The following KAZN variants were observed in gnomAD, a reference collection of about 807,000 sequenced individuals.
KAZN encodes kazrin.
Under a neutral mutation model 87.4 loss-of-function variants are expected in KAZN, and 40 were observed. The observed-to-expected ratio is 0.46, with a 90% confidence interval of 0.36 to 0.60. KAZN has a LOEUF of 0.60. KAZN is among the 20% of genes least tolerant of loss of function. The pLI, the probability that KAZN is intolerant of heterozygous loss-of-function variation, is 0.00. For synonymous variants in KAZN, 466 were observed against 458.3 expected (o/e 1.02, Z -0.22); for missense variants, 898 against 1,073.9 (o/e 0.84, Z 2.29).
intron 1 of KAZN, among the ~76,000 whole-genome samples, chr1:14,617,050 C>T (rs1353640892): frequency 1.3e-5 from 2 of 152,208 alleles, no homozygotes; most frequent in African/African-American, 2.4e-5. Flanking sequence ...AAGACAGCAA[C>T]CTTGGTTGTG....
chr1:13,915,736 A>G (rs927149969), intron 1 of KAZN, among the ~76,000 whole-genome samples: 1 of 150,160 alleles, frequency 6.7e-6, no homozygotes, highest in Non-Finnish European at 1.5e-5. Flanking sequence ...GCTTTTTAGC[A>G]CTAGAGAGAG....
intron 1 of KAZN, among the ~76,000 whole-genome samples, chr1:14,906,865 C>G (rs760159080): frequency 6.9e-6 from 1 of 145,950 alleles, no homozygotes; most frequent in Non-Finnish European, 1.5e-5. Flanking sequence ...GGTCCACACC[C>G]GCTCCCCGCC....
At chr1:15,112,361 GTGTGTGTGTGTGTC>G (rs1275734309) in intron 13 of KAZN, 52 bp from the exon 14 acceptor site, 6 of 604,570 alleles carry the variant, frequency 9.9e-6, no homozygotes, top group Admixed American at 2.4e-5. Context: ...GTGTGTGTGT[GTGTGTGTGTGTGTC>G]TGGGGAGCTG....
chr1:13,975,700 G>C (rs1227095002), intron 1 of KAZN, among the ~76,000 whole-genome samples: 2 of 152,080 alleles, frequency 1.3e-5, no homozygotes, highest in African/African-American at 4.8e-5. Context: ...AGATAGTATT[G>C]ACTCAATTGT....
chr1:14,468,770 G>A (rs1668295702), intron 2 of KAZN, among the ~76,000 whole-genome samples: 1 of 152,200 alleles, frequency 6.6e-6, no homozygotes, highest in Non-Finnish European at 1.5e-5. Context: ...GTGGTGGTTT[G>A]TGTAAGCTGT....
intron 1 of KAZN, among the ~76,000 whole-genome samples, chr1:14,153,503 A>G (rs755733757): frequency 6.6e-6 from 1 of 152,136 alleles, no homozygotes; most frequent in African/African-American, 2.4e-5. Flanking sequence ...TGCCAGGTGC[A>G]GTGGCTCACG....
intron 1 of KAZN, among the ~76,000 whole-genome samples, chr1:13,944,212 C>T (rs1417130222): frequency 3.3e-5 from 5 of 152,194 alleles, no homozygotes; most frequent in Admixed American, 1.3e-4. Flanking sequence ...ACTACGGATA[C>T]GCGTTACATC....
chr1:14,137,607 T>C (rs1178327310), intron 1 of KAZN, among the ~76,000 whole-genome samples: 1 of 152,034 alleles, frequency 6.6e-6, no homozygotes, highest in East Asian at 1.9e-4. Context: ...ATAATATTCA[T>C]TTCAGGGGAT....
chr1:14,404,137 C>A (rs1663644467), intron 2 of KAZN, among the ~76,000 whole-genome samples: 1 of 152,124 alleles, frequency 6.6e-6, no homozygotes, highest in African/African-American at 2.4e-5. Context: ...GTCGCCCCAC[C>A]CTCATCTTTT....
intron 2 of KAZN, among the ~76,000 whole-genome samples, chr1:14,285,889 T>C (rs16853868): frequency 0.15 from 22,894 of 152,198 alleles, 3,316 homozygotes; most frequent in African/African-American, 0.38. Flanking sequence ...GAGAGCCTGG[T>C]ACTGGCTGTG....
chr1:14,486,006 C>A (rs1456675913), intron 2 of KAZN, among the ~76,000 whole-genome samples: 2 of 152,064 alleles, frequency 1.3e-5, no homozygotes, highest in Non-Finnish European at 1.5e-5. Flanking sequence ...AGCTGTAACA[C>A]CACCAGACCT....
intron 2 of KAZN, among the ~76,000 whole-genome samples, chr1:14,423,602 C>CTATG (rs975290868): frequency 2.6e-5 from 4 of 152,172 alleles, no homozygotes; most frequent in African/African-American, 9.7e-5. Flanking sequence ...TGAGCACTTA[C>CTATG]TATGGATCAA....
intron 2 of KAZN, among the ~76,000 whole-genome samples, chr1:14,481,786 G>A (rs78245553): frequency 1.2e-3 from 179 of 152,292 alleles, no homozygotes; most frequent in African/African-American, 3.8e-3. Flanking sequence ...GCTTAAAAGC[G>A]TAAGAAGAGA....
chr1:14,921,232 G>C (rs1658490554), intron 1 of KAZN, among the ~76,000 whole-genome samples: 1 of 151,852 alleles, frequency 6.6e-6, no homozygotes, highest in Admixed American at 6.6e-5. Flanking sequence ...AAAAGTTACA[G>C]AGGGAATTCC....
At chr1:13,948,200 G>A (rs969877262) in intron 1 of KAZN, among the ~76,000 whole-genome samples, 1 of 152,134 alleles carries the variant, frequency 6.6e-6, no homozygotes, top group Non-Finnish European at 1.5e-5. Flanking sequence ...GAAACGTCAG[G>A]CTGCTGAACC....
chr1:14,916,170 CTTTTTTT>C (rs71307000), intron 1 of KAZN, among the ~76,000 whole-genome samples: 2 of 113,598 alleles, frequency 1.8e-5, no homozygotes, highest in East Asian at 5.0e-4. Flanking sequence ...CACTGTTGTT[CTTTTTTT>C]TTTTTTTTTT....
intron 2 of KAZN, among the ~76,000 whole-genome samples, chr1:14,258,471 G>A (rs866578696): frequency 2.7e-5 from 4 of 147,870 alleles, no homozygotes; most frequent in South Asian, 2.1e-4. Context: ...TCCTGACCTC[G>A]TGATCCACCT....
intron 1 of KAZN, among the ~76,000 whole-genome samples, chr1:14,041,432 A>G (rs1026911340): frequency 3.9e-5 from 6 of 152,090 alleles, no homozygotes; most frequent in Admixed American, 3.9e-4. Context: ...ATTTATTTCA[A>G]GTCTTTATCT....
intron 2 of KAZN, among the ~76,000 whole-genome samples, chr1:14,963,073 C>CTAGT (rs1664073851): frequency 6.6e-6 from 1 of 152,150 alleles, no homozygotes; most frequent in African/African-American, 2.4e-5. Context: ...AATGTACATC[C>CTAGT]TCCTCCCTTT....
Sources: gnomAD v4.1 joint callset for allele counts (sites outside exome capture counted in the v4.1 genomes callset) on GRCh38, gnomAD v4.1.1 for gene constraint, MANE v1.5 for transcripts, NCBI Gene and HGNC (gene_info 2026-07-23, HGNC 2026-07-21) for gene names.